IKBKB-DT: variants seen among roughly 807,000 people sequenced by gnomAD.
IKBKB-DT encodes the protein IKBKB divergent transcript, also known as IKBKB antisense RNA.
At chr8:42,266,237 C>CT (rs1807367294) in exon 2 of IKBKB-DT, 1 of 152,654 alleles carries the variant, frequency 6.6e-6, no homozygotes, top group African/African-American at 2.4e-5. Context: ...CCAGAGCTGA[C>CT]TATGGGGGCT....
intron 3 of IKBKB-DT, among the ~76,000 whole-genome samples, chr8:42,258,392 G>C (rs1393591919): frequency 6.6e-6 from 1 of 151,796 alleles, no homozygotes; most frequent in South Asian, 2.1e-4. Flanking sequence ...CAATACTCTT[G>C]CCTTGGCCTC....
intron 3 of IKBKB-DT, among the ~76,000 whole-genome samples, chr8:42,235,205 C>CTTTT (rs746414963): frequency 9.1e-5 from 9 of 99,398 alleles, no homozygotes; most frequent in Non-Finnish European, 8.1e-5. Flanking sequence ...CTTTTATTTT[C>CTTTT]TTTTTTTTTT....
At chr8:42,261,032 A>G (rs951405076) in intron 3 of IKBKB-DT, among the ~76,000 whole-genome samples, 3 of 152,068 alleles carry the variant, frequency 2.0e-5, no homozygotes, top group African/African-American at 7.2e-5. Flanking sequence ...AAAAAGAAAA[A>G]TCATTTCATC....
At chr8:42,241,197 A>C (rs1806996959) in intron 3 of IKBKB-DT, among the ~76,000 whole-genome samples, 2 of 136,376 alleles carry the variant, frequency 1.5e-5, no homozygotes, top group Admixed American at 8.2e-5. Flanking sequence ...TATTCCCAAC[A>C]GTTGATGCCT....
intron 3 of IKBKB-DT, among the ~76,000 whole-genome samples, chr8:42,259,787 GC>G (rs1473840826): frequency 6.6e-6 from 1 of 152,014 alleles, no homozygotes; most frequent in African/African-American, 2.4e-5. Context: ...CTCAAGACCA[GC>G]CTGAACAACA....
intron 3 of IKBKB-DT, chr8:42,255,289 C>CT (rs1766916453): frequency 6.6e-6 from 1 of 152,156 alleles, no homozygotes; most frequent in African/African-American, 2.4e-5. Flanking sequence ...TTAAAGTTTA[C>CT]TTTTTAATTA....
At chr8:42,240,700 G>A (rs988254807) in intron 3 of IKBKB-DT, among the ~76,000 whole-genome samples, 5 of 149,026 alleles carry the variant, frequency 3.4e-5, no homozygotes, top group Non-Finnish European at 5.9e-5. Flanking sequence ...ATGTGGGCCA[G>A]ACACTGTGGC....
chr8:42,247,221 G>A (rs1047813715), intron 3 of IKBKB-DT, among the ~76,000 whole-genome samples: 1 of 152,178 alleles, frequency 6.6e-6, no homozygotes, highest in Non-Finnish European at 1.5e-5. Context: ...GCTGCCCAAG[G>A]CCATGCATCA....
At chr8:42,238,315 T>C (rs2129901191) in intron 3 of IKBKB-DT, among the ~76,000 whole-genome samples, 1 of 152,318 alleles carries the variant, frequency 6.6e-6, no homozygotes, top group Admixed American at 6.5e-5. Context: ...GCTTCTAGCC[T>C]TACAGGCTGA....
intron 3 of IKBKB-DT, among the ~76,000 whole-genome samples, chr8:42,261,682 G>T (rs1403936800): frequency 1.3e-5 from 2 of 152,010 alleles, no homozygotes; most frequent in African/African-American, 4.8e-5. Context: ...TTGTTGTCTG[G>T]AGCAGTCCCC....
chr8:42,252,524 C>T (rs1466708586), intron 3 of IKBKB-DT, among the ~76,000 whole-genome samples: 1 of 152,162 alleles, frequency 6.6e-6, no homozygotes, highest in African/African-American at 2.4e-5. Flanking sequence ...TGCCACCACA[C>T]CCAGCTAATT....
At chr8:42,238,271 A>G (rs753719130) in intron 3 of IKBKB-DT, among the ~76,000 whole-genome samples, 1 of 152,090 alleles carries the variant, frequency 6.6e-6, no homozygotes, top group Non-Finnish European at 1.5e-5. Flanking sequence ...AAATTACGAG[A>G]GTGAGAGAAG....
chr8:42,252,145 G>C (rs1807137646), intron 3 of IKBKB-DT, among the ~76,000 whole-genome samples: 1 of 152,210 alleles, frequency 6.6e-6, no homozygotes, highest in South Asian at 2.1e-4. Context: ...AGGTGACATG[G>C]CACTGGCCAG....
chr8:42,253,177 C>A (rs1001163476), intron 3 of IKBKB-DT, among the ~76,000 whole-genome samples: 2 of 152,212 alleles, frequency 1.3e-5, no homozygotes, highest in Admixed American at 6.5e-5. Flanking sequence ...AATCTTTTAT[C>A]TTAACCTGAA....
chr8:42,268,128 A>AT (rs1380156375), intron 1 of IKBKB-DT, among the ~76,000 whole-genome samples: 3 of 142,868 alleles, frequency 2.1e-5, no homozygotes, highest in African/African-American at 8.6e-5. Flanking sequence ...GGTGCTCAAT[A>AT]ATTTTTTTTT....
chr8:42,246,149 G>T (rs547783495), intron 3 of IKBKB-DT, among the ~76,000 whole-genome samples: 1 of 152,114 alleles, frequency 6.6e-6, no homozygotes, highest in Non-Finnish European at 1.5e-5. Context: ...CAATCCTCCC[G>T]CCTCAACCTC....
chr8:42,253,188 C>G (rs914002768), intron 3 of IKBKB-DT, among the ~76,000 whole-genome samples: 1 of 152,198 alleles, frequency 6.6e-6, no homozygotes, highest in East Asian at 1.9e-4. Context: ...TTAACCTGAA[C>G]ATTTCCTTTC....
At chr8:42,243,892 G>C (rs995467081) in intron 3 of IKBKB-DT, among the ~76,000 whole-genome samples, 3 of 152,166 alleles carry the variant, frequency 2.0e-5, no homozygotes, top group African/African-American at 7.2e-5. Flanking sequence ...GTTCATACTG[G>C]AAAAATTAGA....
At chr8:42,262,773 T>C (rs1807309004) in intron 3 of IKBKB-DT, among the ~76,000 whole-genome samples, 1 of 148,182 alleles carries the variant, frequency 6.7e-6, no homozygotes, top group Non-Finnish European at 1.5e-5. Flanking sequence ...GGTCTCATGC[T>C]CATTGCCCAG....
Sources: allele counts gnomAD v4.1 joint callset (sites outside exome capture counted in the v4.1 genomes callset), GRCh38; gene constraint gnomAD v4.1.1; transcripts MANE v1.5; gene names NCBI Gene and HGNC (gene_info 2026-07-23, HGNC 2026-07-21).